PCDHGB5: variants seen among roughly 807,000 people sequenced by gnomAD.
The protein encoded by PCDHGB5 is protocadherin gamma-B5.
A neutral mutation model predicts 62.9 loss-of-function variants in PCDHGB5; 48 were observed. The observed-to-expected ratio is 0.76, with a 90% CI of 0.61 to 0.97. The LOEUF (loss-of-function observed/expected upper bound fraction) is 0.97. PCDHGB5 is among the 50% of genes least tolerant of loss of function. The pLI is 0.00. For missense variants in PCDHGB5, 1,118 were observed against 1,198.6 expected (o/e 0.93, Z 0.99); for synonymous variants, 474 against 511.2 (o/e 0.93, Z 0.98).
At chr5:141,417,129 T>C (rs887933624) in intron 1 of PCDHGB5, 2 of 152,218 alleles carry the variant, frequency 1.3e-5, no homozygotes, top group South Asian at 2.1e-4. Context: ...TGGATGATGG[T>C]AATGACTAGG....
At chr5:141,415,447 T>C in intron 1 of PCDHGB5, 1 of 1,614,200 alleles carries the variant, frequency 6.2e-7, no homozygotes, top group South Asian at 1.1e-5. Context: ...GCAGACCTAT[T>C]CCCACGAGGT....
intron 1 of PCDHGB5, chr5:141,423,357 C>T: frequency 6.2e-7 from 1 of 1,614,214 alleles, no homozygotes; most frequent in Non-Finnish European, 8.5e-7. Context: ...TCTTTGTCAT[C>T]GTGCTGCTGG....
chr5:141,450,842 T>TTTTTA, intron 1 of PCDHGB5, among the ~76,000 whole-genome samples: 1 of 148,196 alleles, frequency 6.7e-6, no homozygotes, highest in African/African-American at 2.5e-5. Context: ...TTTTTTTTTT[T>TTTTTA]GAGATGGGGT....
chr5:141,489,297 G>T lies in PCDHGB5; in HGVS notation c.2398-5510G>T. On this transcript the variant is annotated intron_variant, in intron 1 of 3. Transcript: ENST00000617380. This position sits in a 1 kb window ranked among gnomAD's most constrained non-coding sequence, Gnocchi z 4.5. Reference sequence around the variant, plus strand: ...GGAAATGGCAAGTGCTGTGCATGTTGTCCTTGTGCTGCTGGGGCTGGGTGT... The same window carrying T: ...GGAAATGGCAAGTGCTGTGCATGTTTTCCTTGTGCTGCTGGGGCTGGGTGT... 1.9e-6 allele frequency: 3 copies of T among 1,583,774 alleles called. No homozygotes were observed. Among genetic ancestry groups the T allele is most frequent in the Non-Finnish European group, 8.6e-7 (1 of 1,164,904 alleles).
intron 2 of PCDHGB5, among the ~76,000 whole-genome samples, chr5:141,496,703 GT>G (rs1360916053): frequency 6.6e-6 from 1 of 152,132 alleles, no homozygotes; most frequent in East Asian, 1.9e-4. Context: ...CTTCTCATAA[GT>G]TATCCATTAA....
rs537196945 is a variant in PCDHGB5 at position 141,470,749 on chromosome 5, G to A, written c.2398-24058G>A. 3.9e-5 allele frequency among the ~76,000 whole-genome samples: 6 copies of A among 152,260 alleles called. No individual in the cohort carries two copies. The East Asian group carries it at 7.7e-4, about 20-fold the overall frequency. On this transcript the variant is annotated intron_variant, in intron 1 of 3. Coordinates refer to ENST00000617380, the MANE Select transcript of PCDHGB5 (RefSeq NM_018925.3). ...GTCTTGCTCTGTCGCCCTGGCTGGAGTGCAGTGGACTCACTACAGTCTTGA... is the reference window on the plus strand; with the variant it reads ...GTCTTGCTCTGTCGCCCTGGCTGGAATGCAGTGGACTCACTACAGTCTTGA...
chr5:141,403,577 C>A (rs1188693688), intron 1 of PCDHGB5: 5 of 1,613,812 alleles, frequency 3.1e-6, no homozygotes, highest in Non-Finnish European at 3.4e-6. Context: ...AACTGCCCAC[C>A]ACCTGGTCCT....
intron 1 of PCDHGB5, chr5:141,478,841 A>G (rs1335486924): frequency 1.4e-5 from 19 of 1,405,590 alleles, no homozygotes; most frequent in Non-Finnish European, 1.8e-5. Flanking sequence ...GGGATGGTTA[A>G]GCTAAAACAC....
chr5:141,461,389 G>T (rs2099014363), intron 1 of PCDHGB5, among the ~76,000 whole-genome samples: 1 of 152,110 alleles, frequency 6.6e-6, no homozygotes. Context: ...CTGATGATTA[G>T]CGATGTTGAG....
In PCDHGB5 at chr5:141,432,293, G is replaced by A; in HGVS notation, c.2397+31769G>A. On this transcript the variant is annotated intron_variant, in intron 1 of 3. Transcript: ENST00000617380. The surrounding 1 kb of genome is among the most constrained non-coding windows in gnomAD (Gnocchi z 6.0). ...CTACGTGTCCATCAACTCCGACACT[G>A]GGGTACTGTATGCGCTGAGCTCCTT... 1 of 1,614,254 alleles carries A rather than the reference G, an allele frequency of 6.2e-7. No homozygotes were observed. Among genetic ancestry groups the A allele is most frequent in the Non-Finnish European group, 8.5e-7 (1 of 1,180,040 alleles).
intron 2 of PCDHGB5, among the ~76,000 whole-genome samples, chr5:141,498,789 C>T (rs1302940884): frequency 6.6e-6 from 1 of 151,980 alleles, no homozygotes; most frequent in Non-Finnish European, 1.5e-5. Context: ...AAATATTAGC[C>T]AGGTGTGGTG....
At position 141,487,635 on chromosome 5, in the gene PCDHGB5, A is replaced by C. The variant is rs1594699829; in HGVS notation, c.2398-7172A>C. 1.2e-6 allele frequency: 2 copies of C among 1,614,204 alleles called. No individual in the cohort carries two copies. Among genetic ancestry groups the C allele is most frequent in the Non-Finnish European group, 1.7e-6 (2 of 1,180,034 alleles). On this transcript the variant is annotated intron_variant, in intron 1 of 3. Transcript: ENST00000617380. The surrounding 1 kb of genome is among the most constrained non-coding windows in gnomAD (Gnocchi z 5.0). Reference sequence around the variant, plus strand: ...CTAGAGGTGAGACCTTTGCAGGCTCAACAAATGCTTGAGGGTTATTCTGAT... The same window carrying C: ...CTAGAGGTGAGACCTTTGCAGGCTCCACAAATGCTTGAGGGTTATTCTGAT...
At chr5:141,421,748 G>A (rs763166274) in intron 1 of PCDHGB5, 4 of 1,613,944 alleles carry the variant, frequency 2.5e-6, no homozygotes, top group South Asian at 2.2e-5. Context: ...TACCAGCTCA[G>A]CCCTAATAAT....
chr5:141,462,423 G>A (rs1367388191), intron 1 of PCDHGB5, among the ~76,000 whole-genome samples: 1 of 151,820 alleles, frequency 6.6e-6, no homozygotes, highest in East Asian at 1.9e-4. Context: ...GTCTATCTTG[G>A]TGAGTGTTGC....
intron 1 of PCDHGB5, chr5:141,419,559 T>C: frequency 6.2e-7 from 1 of 1,611,930 alleles, no homozygotes. Context: ...TACCCTGCGC[T>C]GGGTCCCGAC....
chr5:141,431,698 ATT>A lies in PCDHGB5; in HGVS notation c.2397+31175_2397+31176del. The A allele has an allele frequency of 6.2e-7, 1 of 1,614,222 alleles. No homozygotes were observed. Among genetic ancestry groups the A allele is most frequent in the South Asian group, 1.1e-5 (1 of 91,090 alleles). ...GGGAGTTGGACCACGAGGAGTCAGG[ATT>A]CTACCAGATGGAAGTGCAAGCAATG... On this transcript the variant is annotated intron_variant, in intron 1 of 3. Transcript: ENST00000617380. The surrounding 1 kb of genome is among the most constrained non-coding windows in gnomAD (Gnocchi z 4.8).
chr5:141,408,256 T>C, intron 1 of PCDHGB5: 1 of 1,602,226 alleles, frequency 6.2e-7, no homozygotes, highest in East Asian at 2.3e-5. Flanking sequence ...AGGTGCTATT[T>C]CCTTTGCTGC....
chr5:141,407,981 C>G, intron 1 of PCDHGB5: 4 of 770,010 alleles, frequency 5.2e-6, no homozygotes, highest in Non-Finnish European at 7.8e-6. Flanking sequence ...GCCGGGGATC[C>G]GTCAGCCTCT....
At chr5:141,417,958 C>T (rs1255501304) in intron 1 of PCDHGB5, 3 of 1,613,720 alleles carry the variant, frequency 1.9e-6, no homozygotes, top group South Asian at 2.2e-5. Context: ...GTGAGCCGAT[C>T]CGCTACTCGA....
Sources: allele counts gnomAD v4.1 joint callset (sites outside exome capture counted in the v4.1 genomes callset), GRCh38; gene constraint gnomAD v4.1.1; non-coding constraint Gnocchi (gnomAD v3.1); transcripts MANE v1.5; gene names NCBI Gene and HGNC (gene_info 2026-07-23, HGNC 2026-07-21).